The following CUBN variants were observed in gnomAD, a reference collection of about 807,000 sequenced individuals.
CUBN encodes the protein cubilin.
A neutral mutation model predicts 405.3 loss-of-function variants in CUBN; 282 were observed. That is an observed-to-expected ratio of 0.70 (90% confidence interval 0.63 to 0.77). The LOEUF (loss-of-function observed/expected upper bound fraction) is 0.77, where lower values mean the gene tolerates loss of function less well. Ranked by LOEUF, CUBN falls within the 30% of genes least tolerant of loss-of-function variation. CUBN has a pLI of 0.00. For synonymous variants in CUBN, 1,684 were observed against 1,617.0 expected, an observed-to-expected ratio of 1.04 and a Z score of -0.99; for missense variants, 4,514 against 4,475.2, an observed-to-expected ratio of 1.01 and a Z score of -0.25.
intron 10 of CUBN, among the ~76,000 whole-genome samples, chr10:17,108,713 T>C (rs572520643): frequency 1.3e-5 from 2 of 151,940 alleles, no homozygotes; most frequent in African/African-American, 4.8e-5. Context: ...AAGGGAGAAA[T>C]AGTAAGAGAA....
intron 9 of CUBN, among the ~76,000 whole-genome samples, chr10:17,110,317 C>A (rs965370532): frequency 2.6e-5 from 4 of 152,130 alleles, no homozygotes; most frequent in African/African-American, 9.7e-5. Flanking sequence ...TTCGTGAGGG[C>A]AATGGAACAG....
At chr10:17,007,730 C>T (rs1834065459) in intron 28 of CUBN, among the ~76,000 whole-genome samples, 1 of 152,192 alleles carries the variant, frequency 6.6e-6, no homozygotes, top group African/African-American at 2.4e-5. Flanking sequence ...AGAGCAACTC[C>T]AGGACCAGCG....
intron 10 of CUBN, among the ~76,000 whole-genome samples, chr10:17,106,022 C>T (rs1011142714): frequency 3.9e-5 from 6 of 152,296 alleles, no homozygotes; most frequent in East Asian, 1.9e-4. Context: ...CAGTGGCTCA[C>T]GCCTGTAATC....
intron 28 of CUBN, among the ~76,000 whole-genome samples, chr10:17,018,682 GCTGATTGGTCCATTTTACAGAGCA>G (rs1486023827): frequency 2.6e-4 from 39 of 152,246 alleles, no homozygotes; most frequent in South Asian, 1.9e-3. Flanking sequence ...CCCACGTCCT[GCTGATTGGTCCATTTTACAGAGCA>G]CTGATTGGTC....
intron 14 of CUBN, among the ~76,000 whole-genome samples, 156 bp from the exon 15 acceptor site, chr10:17,088,501 T>C (rs1836178791): frequency 6.6e-6 from 1 of 152,238 alleles, no homozygotes; most frequent in Admixed American, 6.5e-5. Flanking sequence ...CATTTTCCAG[T>C]TTTATAAAGT....
chr10:16,841,525 CTCAA>C (rs140480612), intron 60 of CUBN, among the ~76,000 whole-genome samples: 2,436 of 152,254 alleles, frequency 0.016, 49 homozygotes, highest in African/African-American at 0.053. Flanking sequence ...TTCCCATCCA[CTCAA>C]TCAAACAGCC....
chr10:16,989,354 TATA>T (rs551476517), intron 29 of CUBN, among the ~76,000 whole-genome samples: 6 of 148,416 alleles, frequency 4.0e-5, no homozygotes, highest in Admixed American at 1.4e-4. Context: ...AATAATCTGT[TATA>T]ATAAATATTA....
chr10:17,098,388 G>A (rs1432321834), intron 14 of CUBN, among the ~76,000 whole-genome samples: 1 of 152,194 alleles, frequency 6.6e-6, no homozygotes, highest in East Asian at 1.9e-4. Flanking sequence ...TGGGAAATTA[G>A]TTATACAGCA....
At chr10:16,934,202 G>A (rs1379044010) in intron 39 of CUBN, among the ~76,000 whole-genome samples, 1 of 152,166 alleles carries the variant, frequency 6.6e-6, no homozygotes, top group African/African-American at 2.4e-5. Flanking sequence ...CTTAGATTCA[G>A]TGATTTTTCT....
rs74583681 is a variant in CUBN, at chr10:16,921,838, A to T, written c.6647-1701T>A. On this transcript the variant is annotated intron_variant, in intron 43 of 66. Coordinates refer to ENST00000377833, the MANE Select transcript of CUBN (RefSeq NM_001081.4). ...TTCCGTATTTACAGATTCAGTCTAG[A>T]TCCCTGTTCTGACCTCGAGATTCCT... 5.2e-4 allele frequency among the ~76,000 whole-genome samples: 79 copies of T among 152,284 alleles called. No individual in the cohort carries two copies. In the East Asian group the frequency reaches 0.012, roughly 24 times the overall value.
chr10:17,041,277 G>A lies in CUBN; in HGVS notation c.3830-57C>T. On this transcript the variant is annotated intron_variant, in intron 26 of 66. Coordinates refer to ENST00000377833, the MANE Select transcript of CUBN (RefSeq NM_001081.4). ...ATTATATACTTCATAAGTGCTCCAAGATGAGATTTTCCTTTAAAAAAAATA... is the reference window on the plus strand; with the variant it reads ...ATTATATACTTCATAAGTGCTCCAAAATGAGATTTTCCTTTAAAAAAAATA... 3 of 1,412,818 alleles carry A rather than the reference G, an allele frequency of 2.1e-6. No individual in the cohort carries two copies. The South Asian group carries it at 3.5e-5, about 16-fold the overall frequency. 87.5% of individuals were successfully genotyped at this position (1,412,818 alleles called of 1,614,324 possible).
chr10:17,073,220 C>T lies in CUBN; in HGVS notation c.2302-1249G>A, dbSNP rs144269147. 2.0e-5 allele frequency among the ~76,000 whole-genome samples: 3 copies of T among 152,190 alleles called. No individual in the cohort carries two copies. The East Asian group carries it at 5.8e-4, about 29-fold the overall frequency. On this transcript the variant is annotated intron_variant, in intron 17 of 66. Coordinates refer to ENST00000377833, the MANE Select transcript of CUBN (RefSeq NM_001081.4). ...ACACAGTTCTAGAAAAATAAATTCA[C>T]AGTCCATTGCCAGCTTATATACCAG...
At chr10:16,862,899 A>G (rs1356389499) in intron 59 of CUBN, among the ~76,000 whole-genome samples, 2 of 152,230 alleles carry the variant, frequency 1.3e-5, no homozygotes, top group Non-Finnish European at 1.5e-5. Context: ...ATTTACCATT[A>G]ACTCAATTTT....
At chr10:16,836,506 T>G in intron 62 of CUBN, 124 bp from the exon 63 acceptor site, 2 of 945,156 alleles carry the variant, frequency 2.1e-6, no homozygotes, top group Non-Finnish European at 3.4e-6. Flanking sequence ...AGCTCTGCTG[T>G]TGGAAGTGCT....
chr10:17,026,839 C>G (rs1352978278), intron 27 of CUBN, among the ~76,000 whole-genome samples: 3 of 152,162 alleles, frequency 2.0e-5, no homozygotes, highest in African/African-American at 7.2e-5. Context: ...CTCCATAAGG[C>G]ACATGGCCAC....
chr10:17,087,466 C>CTTTTTTTTTTTTTGTTT (rs879308596), intron 15 of CUBN, among the ~76,000 whole-genome samples: 1 of 79,772 alleles, frequency 1.3e-5, no homozygotes, highest in Non-Finnish European at 2.3e-5. Context: ...TATTATTTTT[C>CTTTTTTTTTTTTTGTTT]TTTTTCTTTT....
At position 17,110,226 on chromosome 10, in the gene CUBN, T is replaced by A. The variant is rs151171664; in HGVS notation, c.1016-491A>T. 1.1e-4 allele frequency among the ~76,000 whole-genome samples: 17 copies of A among 152,298 alleles called. No homozygotes were observed. The East Asian group carries it at 3.3e-3, about 29-fold the overall frequency. ...AAAGGAGGGAAACCAACAATTACGATATATGCCTACTGTGATGCCTGTGGT... is the reference window on the plus strand; with the variant it reads ...AAAGGAGGGAAACCAACAATTACGAAATATGCCTACTGTGATGCCTGTGGT... On this transcript the variant is annotated intron_variant, in intron 9 of 66. Coordinates refer to ENST00000377833, the MANE Select transcript of CUBN (RefSeq NM_001081.4).
chr10:16,989,116 C>T lies in CUBN; in HGVS notation c.4350+1218G>A, dbSNP rs371871393. On this transcript the variant is annotated intron_variant, in intron 29 of 66. Coordinates refer to ENST00000377833, the MANE Select transcript of CUBN (RefSeq NM_001081.4). Reference sequence around the variant, plus strand: ...TAAAACAAAGCAAACAAACATCTAGCCTCATGGAATTTAGGTTCTACTGGA... The same window carrying T: ...TAAAACAAAGCAAACAAACATCTAGTCTCATGGAATTTAGGTTCTACTGGA... Among the ~76,000 whole-genome samples, 58 of 152,220 alleles carry T rather than the reference C, an allele frequency of 3.8e-4. No individual in the cohort carries two copies. The East Asian group carries it at 5.4e-3, about 14-fold the overall frequency.
chr10:17,047,882 T>C (rs1270974631), intron 22 of CUBN, among the ~76,000 whole-genome samples: 1 of 152,126 alleles, frequency 6.6e-6, no homozygotes, highest in East Asian at 1.9e-4. Flanking sequence ...TTCTAATCCT[T>C]GCAAATTACC....
Sources: allele counts gnomAD v4.1 joint callset (sites outside exome capture counted in the v4.1 genomes callset), GRCh38; gene constraint gnomAD v4.1.1; transcripts MANE v1.5; gene names NCBI Gene and HGNC (gene_info 2026-07-23, HGNC 2026-07-21).